The following TMEM196 variants were observed in gnomAD, a reference collection of about 807,000 sequenced individuals.
TMEM196 encodes transmembrane protein 196.
A neutral mutation model predicts 20.0 loss-of-function variants in TMEM196; 17 were observed. That is an observed-to-expected ratio of 0.85 (90% CI 0.58 to 1.27). The LOEUF (loss-of-function observed/expected upper bound fraction) is 1.27, where lower values mean the gene tolerates loss of function less well. TMEM196 is among the 50% of genes most tolerant of loss of function. The pLI is 0.00. For missense variants in TMEM196, 267 were observed against 223.0 expected (o/e 1.20, Z -1.26); for synonymous variants, 113 against 88.9 (o/e 1.27, Z -1.52).
intron 2 of TMEM196, 105 bp from the exon 3 acceptor site, chr7:19,725,873 G>A: frequency 7.3e-7 from 1 of 1,365,718 alleles, no homozygotes; most frequent in Non-Finnish European, 9.7e-7. Flanking sequence ...CTACAATAAA[G>A]AAGAATAAGC....
At position 19,725,809 on chromosome 7, in the gene TMEM196, A is replaced by C. The variant is rs562224079; in HGVS notation, c.205-41T>G. On this transcript the variant is annotated intron_variant, in intron 2 of 4. Coordinates refer to ENST00000405844, the MANE Select transcript of TMEM196 (RefSeq NM_001363562.2). The stretch of plus-strand genomic sequence containing the variant: ...AAGGCAGCGTTAAAGTTGAAAAGGC[A>C]AACCTGACCAGAACACAGTTGCCCT... 14 of 1,548,240 alleles carry C rather than the reference A, an allele frequency of 9.0e-6. No homozygotes were observed. The East Asian group carries it at 1.8e-4, about 20-fold the overall frequency.
In TMEM196 at chr7:19,719,848, A is replaced by G. The variant is rs901409834; in HGVS notation, c.*2280T>C. The G allele has an allele frequency of 3.3e-5, 5 of 152,090 alleles. No homozygotes were observed. The highest frequency in any genetic ancestry group is 7.4e-5 in the Non-Finnish European group (5 of 67,942). 9.4% of individuals were successfully genotyped at this position (152,090 alleles called of 1,614,324 possible). On this transcript the variant is annotated 3_prime_UTR_variant, in exon 5 of 5. Transcript: ENST00000405844. ...GTAAACTATTTGAATAATTGTGATG[A>G]TGGCATCTCTTTTTAACTATACATC...
At chr7:19,736,834 G>C (rs1369556362) in intron 1 of TMEM196, among the ~76,000 whole-genome samples, 6 of 151,934 alleles carry the variant, frequency 3.9e-5, no homozygotes, top group Non-Finnish European at 7.4e-5. Flanking sequence ...CTTAGACATA[G>C]AGATCATTAT....
chr7:19,729,004 C>T (rs991687773), intron 2 of TMEM196, among the ~76,000 whole-genome samples: 28 of 152,192 alleles, frequency 1.8e-4, no homozygotes, highest in African/African-American at 6.3e-4. Flanking sequence ...GGCCCAGTTC[C>T]ATATTTAAAT....
intron 4 of TMEM196, among the ~76,000 whole-genome samples, chr7:19,723,741 C>A (rs981602571): frequency 2.0e-5 from 3 of 152,080 alleles, no homozygotes; most frequent in Non-Finnish European, 4.4e-5. Flanking sequence ...TTTGTTTGAG[C>A]AAACCAAGAA....
At chr7:19,747,171 C>G (rs1352321476) in intron 1 of TMEM196, among the ~76,000 whole-genome samples, 1 of 150,692 alleles carries the variant, frequency 6.6e-6, no homozygotes, top group Non-Finnish European at 1.5e-5. Flanking sequence ...AGGAGAATGG[C>G]GTGAACCCGG....
At chr7:19,753,732 C>T (rs1178996754) in intron 1 of TMEM196, among the ~76,000 whole-genome samples, 1 of 152,126 alleles carries the variant, frequency 6.6e-6, no homozygotes, top group Admixed American at 6.6e-5. Context: ...GCTTCAAATC[C>T]TATAGTCTAA....
chr7:19,757,954 T>A (rs192986829), intron 1 of TMEM196, among the ~76,000 whole-genome samples: 54 of 146,808 alleles, frequency 3.7e-4, no homozygotes, highest in Admixed American at 2.1e-3. Flanking sequence ...GAAGCCATTT[T>A]TATATATATA....
chr7:19,737,924 G>T (rs185520114), intron 1 of TMEM196, among the ~76,000 whole-genome samples: 1 of 151,806 alleles, frequency 6.6e-6, no homozygotes, highest in Non-Finnish European at 1.5e-5. Flanking sequence ...AATTAATTTT[G>T]TTAAAAATTA....
intron 1 of TMEM196, 115 bp downstream of exon 1, chr7:19,772,435 G>A: frequency 1.7e-6 from 2 of 1,195,070 alleles, no homozygotes; most frequent in Non-Finnish European, 2.2e-6. Flanking sequence ...GCAAGCCAGA[G>A]ATCTATGATT....
intron 1 of TMEM196, among the ~76,000 whole-genome samples, chr7:19,736,380 T>TATATAC (rs1427325109): frequency 1.9e-5 from 1 of 54,016 alleles, no homozygotes; most frequent in Admixed American, 1.8e-4. Context: ...TATATATATA[T>TATATAC]ATATATATAT....
intron 1 of TMEM196, among the ~76,000 whole-genome samples, chr7:19,756,799 T>C (rs1562624739): frequency 6.6e-6 from 1 of 152,198 alleles, no homozygotes; most frequent in African/African-American, 2.4e-5. Flanking sequence ...TATGTCTGCA[T>C]AGTATCCCAG....
rs1783755740 is a variant in TMEM196 at position 19,719,789 on chromosome 7, TA to T, written c.*2338del. 1 of 152,128 alleles carries T rather than the reference TA, an allele frequency of 6.6e-6. No homozygotes were observed. The highest frequency in any genetic ancestry group is 2.4e-5 in the African/African-American group (1 of 41,442). 9.4% of individuals were successfully genotyped at this position (152,128 alleles called of 1,614,324 possible). On this transcript the variant is annotated 3_prime_UTR_variant, in exon 5 of 5. Transcript: ENST00000405844. ...AATACTAGGTAGAAATAATCATATT[TA>T]AAAATATATCTATACTTGGTTAAAC...
chr7:19,740,225 T>G (rs1004466128), intron 1 of TMEM196, among the ~76,000 whole-genome samples: 1 of 152,096 alleles, frequency 6.6e-6, no homozygotes, highest in Non-Finnish European at 1.5e-5. Context: ...ACACATATAG[T>G]TAAGGGAAAA....
chr7:19,751,212 A>C (rs1454403272), intron 1 of TMEM196, among the ~76,000 whole-genome samples: 2 of 152,234 alleles, frequency 1.3e-5, no homozygotes, highest in African/African-American at 2.4e-5. Flanking sequence ...ACAGAATGCA[A>C]CTATACAGGG....
chr7:19,735,767 C>G (rs1313369066), intron 1 of TMEM196, among the ~76,000 whole-genome samples: 1 of 152,080 alleles, frequency 6.6e-6, no homozygotes, highest in African/African-American at 2.4e-5. Context: ...TTTAACACAG[C>G]TTATTAAAAA....
At chr7:19,771,476 A>C (rs1385453968) in intron 1 of TMEM196, among the ~76,000 whole-genome samples, 1 of 152,212 alleles carries the variant, frequency 6.6e-6, no homozygotes, top group Non-Finnish European at 1.5e-5. Context: ...ACTTTTGAAT[A>C]ATTTTTCTTG....
Position 19,721,949 on chromosome 7 carries a change from A to G in TMEM196, c.*179T>C. 3 of 801,396 alleles carry G rather than the reference A, an allele frequency of 3.7e-6. No individual in the cohort carries two copies. The South Asian group carries it at 5.3e-5, about 14-fold the overall frequency. The allele number at this position is 801,396 out of a possible 1,614,324, so 49.6% of individuals were successfully genotyped here. A position where few individuals can be genotyped will look rare whatever the true frequency, so the allele number is the denominator to read the frequency against. On this transcript the variant is annotated 3_prime_UTR_variant, in exon 5 of 5. Transcript: ENST00000405844. ...CAGTGAGGCAATATATTTTTTAGGA[A>G]GAATAATTTTAGTGGATGCTCAGGA...
At chr7:19,745,228 C>G (rs1320993794) in intron 1 of TMEM196, among the ~76,000 whole-genome samples, 1 of 151,978 alleles carries the variant, frequency 6.6e-6, no homozygotes, top group Non-Finnish European at 1.5e-5. Flanking sequence ...TATTGTGGTA[C>G]TCTTATTTTT....
Sources: gnomAD v4.1 joint callset for allele counts (sites outside exome capture counted in the v4.1 genomes callset) on GRCh38, gnomAD v4.1.1 for gene constraint, MANE v1.5 for transcripts, NCBI Gene and HGNC (gene_info 2026-07-23, HGNC 2026-07-21) for gene names.